Variants in SLC9A3 observed in about 807,000 individuals in gnomAD.
The protein encoded by SLC9A3 is sodium/hydrogen exchanger 3.
A neutral mutation model predicts 86.8 loss-of-function variants in SLC9A3; 37 were observed. The ratio of observed to expected loss-of-function variants is 0.43; its 90% CI spans 0.33 to 0.56. SLC9A3 has a LOEUF of 0.56. SLC9A3 is among the 20% of genes least tolerant of loss of function. The pLI is 0.06. For missense variants in SLC9A3, 1,011 were observed against 1,171.9 expected, an observed-to-expected ratio of 0.86 and a Z score of 2.00; for synonymous variants, 581 against 528.3, an observed-to-expected ratio of 1.10 and a Z score of -1.37.
chr5:493,206 C>T (rs1223086019), intron 1 of SLC9A3, among the ~76,000 whole-genome samples: 3 of 152,156 alleles, frequency 2.0e-5, no homozygotes, highest in East Asian at 3.8e-4. Flanking sequence ...CCTCCGGCTT[C>T]GGTGATGTAA....
Position 473,241 on chromosome 5 carries a change from G to GTGGGC in SLC9A3, c.*133_*137dup. The stretch of plus-strand genomic sequence containing the variant: ...CTCGGAGTTCTGCGCAGGCGCTGGC[G>GTGGGC]TGGGCGAGGCGGGGCTCGGGGCTCG... On this transcript the variant is annotated 3_prime_UTR_variant, in exon 17 of 17. Coordinates refer to ENST00000264938, the MANE Select transcript of SLC9A3 (RefSeq NM_004174.4). 1 of 984,902 alleles carries GTGGGC rather than the reference G, an allele frequency of 1.0e-6. No individual in the cohort carries two copies. The highest frequency in any genetic ancestry group is 1.3e-6 in the Non-Finnish European group (1 of 758,402). The allele number at this position is 984,902 out of a possible 1,614,324, so 61.0% of individuals were successfully genotyped here.
At chr5:486,970 CCAG>C (rs1284384836) in intron 3 of SLC9A3, among the ~76,000 whole-genome samples, 1 of 48,200 alleles carries the variant, frequency 2.1e-5, no homozygotes, top group African/African-American at 5.2e-5. Context: ...ACACCGTGAT[CCAG>C]ACCGCACTGA....
In SLC9A3 at chr5:481,535, G is replaced by A. The variant is rs1413393308; in HGVS notation, c.1517+30C>T. ...GATGTTTCCAGAAGCCGGGCTGTGC[G>A]ACACCGCCGGGGCCGTCCCAGCCAC... On this transcript the variant is annotated intron_variant, in intron 9 of 16. Transcript: ENST00000264938. The A allele has an allele frequency of 1.8e-5, 29 of 1,581,540 alleles. No individual in the cohort carries two copies. The Middle Eastern group carries it at 5.0e-4, about 27-fold the overall frequency.
chr5:489,025 C>T (rs75201911), intron 2 of SLC9A3, among the ~76,000 whole-genome samples: 12,032 of 152,262 alleles, frequency 0.079, 568 homozygotes, highest in Middle Eastern at 0.13. Flanking sequence ...CTTCCCTCCC[C>T]GCATCTGCCT....
intron 2 of SLC9A3, among the ~76,000 whole-genome samples, chr5:488,864 G>A (rs1444277746): frequency 1.3e-5 from 2 of 152,122 alleles, no homozygotes; most frequent in Non-Finnish European, 2.9e-5. Flanking sequence ...GCCCGGAGCC[G>A]GGACACACAG....
In SLC9A3 at chr5:481,549, C is replaced by A; in HGVS notation, c.1517+16G>T. ...CCGGGCTGTGCGACACCGCCGGGGC[C>A]GTCCCAGCCACTTACTTGTCTCTGA... is the stretch of plus-strand genomic sequence containing the variant. On this transcript the variant is annotated intron_variant, in intron 9 of 16. Transcript: ENST00000264938. The A allele has an allele frequency of 6.2e-7, 1 of 1,607,014 alleles. No homozygotes were observed.
chr5:486,050 A>AATATCTTG (rs1739446982), intron 3 of SLC9A3, among the ~76,000 whole-genome samples: 1 of 152,090 alleles, frequency 6.6e-6, no homozygotes, highest in Non-Finnish European at 1.5e-5. Context: ...TTCCCCCGAG[A>AATATCTTG]ATATCTTGCC....
At chr5:521,962 C>A (rs764647414) in intron 1 of SLC9A3, among the ~76,000 whole-genome samples, 1 of 152,314 alleles carries the variant, frequency 6.6e-6, no homozygotes, top group East Asian at 1.9e-4. Flanking sequence ...GGGGCCAATC[C>A]GGGCAGACCC....
At chr5:478,599 C>CAGGGTT (rs1439127668) in intron 10 of SLC9A3, 1 of 154,542 alleles carries the variant, frequency 6.5e-6, no homozygotes, top group Non-Finnish European at 1.5e-5. Context: ...CAGCTGAGCC[C>CAGGGTT]AGGGTTGTGG....
intron 3 of SLC9A3, among the ~76,000 whole-genome samples, chr5:486,060 C>T (rs1199202924): frequency 1.3e-5 from 2 of 152,318 alleles, no homozygotes; most frequent in African/African-American, 2.4e-5. Context: ...AATATCTTGC[C>T]GTCTGGTGTG....
chr5:489,203 T>C (rs2126627233), intron 2 of SLC9A3, among the ~76,000 whole-genome samples: 1 of 152,292 alleles, frequency 6.6e-6, no homozygotes, highest in East Asian at 1.9e-4. Flanking sequence ...CCCGAGAGTC[T>C]GCCCTCTCTC....
rs541763246 is a variant in SLC9A3 at position 477,104 on chromosome 5, C to A, written c.1760+228G>T. The A allele has an allele frequency of 7.6e-6, 4 of 523,722 alleles. No homozygotes were observed. The Admixed American group carries it at 1.4e-4, about 18-fold the overall frequency. The allele number at this position is 523,722 out of a possible 1,614,324, so 32.4% of individuals were successfully genotyped here. Reference sequence around the variant, plus strand: ...AGGGGCAAACACGTCAGGCCTGGCCCCCAGTCCGCTGCTGCCCCTCCCTTT... The same window carrying A: ...AGGGGCAAACACGTCAGGCCTGGCCACCAGTCCGCTGCTGCCCCTCCCTTT... On this transcript the variant is annotated intron_variant, in intron 11 of 16. Coordinates refer to ENST00000264938, the MANE Select transcript of SLC9A3 (RefSeq NM_004174.4).
chr5:484,788 C>G, intron 4 of SLC9A3, 91 bp from the exon 5 acceptor site: 1 of 1,281,186 alleles, frequency 7.8e-7, no homozygotes, highest in South Asian at 1.3e-5. Context: ...GTGCCGGGAG[C>G]CCGGGAAACG....
intron 1 of SLC9A3, among the ~76,000 whole-genome samples, chr5:493,377 G>A (rs1414817068): frequency 6.6e-6 from 1 of 152,268 alleles, no homozygotes; most frequent in Non-Finnish European, 1.5e-5. Context: ...GAATGTGTCA[G>A]CACAGCTGGA....
intron 1 of SLC9A3, among the ~76,000 whole-genome samples, chr5:514,786 C>A (rs1189935429): frequency 2.0e-5 from 3 of 152,240 alleles, no homozygotes; most frequent in Non-Finnish European, 4.4e-5. Context: ...ACAAAGAACT[C>A]AAACCCTTGG....
chr5:493,145 T>C (rs1050193365), intron 1 of SLC9A3, among the ~76,000 whole-genome samples: 7 of 150,350 alleles, frequency 4.7e-5, no homozygotes, highest in East Asian at 1.9e-4. Context: ...TGAGAATTCC[T>C]GCGCTCGGCC....
intron 1 of SLC9A3, among the ~76,000 whole-genome samples, chr5:503,122 C>T (rs1356185021): frequency 1.3e-5 from 2 of 152,192 alleles, no homozygotes; most frequent in Non-Finnish European, 2.9e-5. Context: ...GACATAAAAA[C>T]TCAATGGATA....
chr5:522,937 C>A (rs568554429), intron 1 of SLC9A3, among the ~76,000 whole-genome samples: 8 of 152,124 alleles, frequency 5.3e-5, no homozygotes, highest in African/African-American at 7.2e-5. Flanking sequence ...GAGACTCCCC[C>A]CCGGCCAGCA....
intron 15 of SLC9A3, 137 bp from the exon 16 acceptor site, chr5:475,269 T>G: frequency 1.2e-6 from 1 of 856,266 alleles, no homozygotes; most frequent in Non-Finnish European, 1.8e-6. Flanking sequence ...GCCTTTCAGG[T>G]TGCGGGCCCT....
Sources: gnomAD v4.1 joint callset for allele counts (sites outside exome capture counted in the v4.1 genomes callset) on GRCh38, gnomAD v4.1.1 for gene constraint, MANE v1.5 for transcripts, NCBI Gene and HGNC (gene_info 2026-07-23, HGNC 2026-07-21) for gene names.